Variants in MROH2B observed in about 807,000 individuals in gnomAD.
The protein encoded by MROH2B is maestro heat like repeat family member 2B, also known as maestro heat-like repeat-containing protein family member 2B.
A neutral mutation model predicts 208.6 loss-of-function variants in MROH2B; 177 were observed. The ratio of observed to expected loss-of-function variants is 0.85; its 90% CI spans 0.75 to 0.96. The LOEUF is 0.96. Among genes scored for constraint, MROH2B ranks in the 40% least tolerant of loss-of-function variants. The pLI, the probability that MROH2B is intolerant of heterozygous loss-of-function variation, is 0.00. For synonymous variants in MROH2B, 728 were observed against 659.0 expected (o/e 1.10, Z -1.60); for missense variants, 2,002 against 1,878.7 (o/e 1.07, Z -1.21).
chr5:41,006,875 G>A (rs556569469), intron 34 of MROH2B, among the ~76,000 whole-genome samples: 2 of 152,084 alleles, frequency 1.3e-5, no homozygotes, highest in South Asian at 4.1e-4. Flanking sequence ...CTACATATTG[G>A]GTGCAGTGTA....
intron 21 of MROH2B, among the ~76,000 whole-genome samples, chr5:41,034,959 A>T (rs1451507701): frequency 6.6e-6 from 1 of 152,162 alleles, no homozygotes; most frequent in East Asian, 1.9e-4. Context: ...GACACAAATA[A>T]ATGGAAAAAC....
intron 24 of MROH2B, among the ~76,000 whole-genome samples, chr5:41,026,269 T>C (rs1045955419): frequency 2.0e-4 from 31 of 152,208 alleles, no homozygotes; most frequent in Non-Finnish European, 3.8e-4. Context: ...GATGACATGA[T>C]TGTATATCTA....
chr5:41,058,914 G>C (rs1266219132), intron 6 of MROH2B, among the ~76,000 whole-genome samples: 1 of 151,734 alleles, frequency 6.6e-6, no homozygotes, highest in Admixed American at 6.6e-5. Flanking sequence ...TGGGCATGGT[G>C]GTGGGCGCCT....
intron 21 of MROH2B, among the ~76,000 whole-genome samples, chr5:41,037,741 C>T (rs756032646): frequency 1.4e-4 from 21 of 152,130 alleles, no homozygotes; most frequent in Admixed American, 1.1e-3. Context: ...TGAAAGCCTC[C>T]CACATTGATC....
intron 24 of MROH2B, among the ~76,000 whole-genome samples, chr5:41,032,233 G>A (rs552337205): frequency 1.3e-5 from 2 of 152,218 alleles, no homozygotes; most frequent in South Asian, 2.1e-4. Flanking sequence ...AACCTTAGCA[G>A]CATCTTTGAG....
intron 24 of MROH2B, among the ~76,000 whole-genome samples, chr5:41,023,273 C>T (rs138856177): frequency 1.3e-5 from 2 of 152,088 alleles, no homozygotes; most frequent in Non-Finnish European, 2.9e-5. Flanking sequence ...GAACCCATCG[C>T]AAGGAAGCTA....
chr5:41,056,231 A>G (rs1339805582), intron 9 of MROH2B, among the ~76,000 whole-genome samples: 1 of 152,174 alleles, frequency 6.6e-6, no homozygotes, highest in Non-Finnish European at 1.5e-5. Context: ...ATGGAGGAAG[A>G]GATGGCAGTG....
At chr5:41,048,262 CG>C in intron 16 of MROH2B, 61 bp downstream of exon 16, 1 of 1,510,970 alleles carries the variant, frequency 6.6e-7, no homozygotes, top group East Asian at 2.3e-5. Context: ...CACAGAGAAA[CG>C]GTGCATTATT....
intron 40 of MROH2B, 35 bp from the exon 41 acceptor site, chr5:40,998,712 T>G (rs2876850): frequency 2.6e-6 from 4 of 1,527,060 alleles, no homozygotes; most frequent in African/African-American, 1.4e-5. Flanking sequence ...ACTGATTTCA[T>G]TATAGAGGAA....
rs1233070082 is a variant in MROH2B, at chr5:41,033,158, G to A, written c.2244C>T (p.Asp748=). Residue 748 remains aspartate (D), a splice_region_variant and synonymous_variant, in exon 23 of 42, where the codon GAC becomes GAT. Coordinates refer to ENST00000399564, the MANE Select transcript of MROH2B (RefSeq NM_173489.5). ...TTGTGAAACTCATTTGCAGATCCAT[G>A]TCCTAAAGCAAAAGCATTTACAATG... is the stretch of plus-strand genomic sequence containing the variant. ...QVLGMSVMNK[D]MDLQMSFTRS... The A allele has an allele frequency of 6.2e-7, 1 of 1,612,522 alleles. No homozygotes were observed. Among genetic ancestry groups the A allele is most frequent in the Non-Finnish European group, 8.5e-7 (1 of 1,178,996 alleles).
intron 24 of MROH2B, among the ~76,000 whole-genome samples, chr5:41,026,097 C>T (rs1401665809): frequency 1.3e-5 from 2 of 152,056 alleles, no homozygotes; most frequent in South Asian, 4.1e-4. Flanking sequence ...TGAGCAAAAA[C>T]TGGAAGCATT....
chr5:41,048,891 A>G (rs1185402188), intron 15 of MROH2B, among the ~76,000 whole-genome samples: 1 of 152,256 alleles, frequency 6.6e-6, no homozygotes, highest in Non-Finnish European at 1.5e-5. Flanking sequence ...AATTATAAGT[A>G]AAGTTCAACA....
intron 29 of MROH2B, among the ~76,000 whole-genome samples, chr5:41,014,189 A>G (rs1431697818): frequency 6.6e-6 from 1 of 152,144 alleles, no homozygotes; most frequent in Admixed American, 6.6e-5. Context: ...TTGCCATAAC[A>G]CCAATATAAA....
At position 41,065,339 on chromosome 5, in the gene MROH2B, G is replaced by T; in HGVS notation, c.353C>A (p.Thr118Asn). The change falls in exon 4 of 42, where the codon ACC becomes AAC. Residue 118 changes from threonine to asparagine, a missense_variant. Thr to Asn is a moderately conservative substitution (Grantham distance 65). Transcript: ENST00000399564. ...FVVLALAELA[T>N]SYVSQSIPFM... The stretch of plus-strand genomic sequence containing the variant: ...GAATATTCCCGCTATACCATAGCTG[G>T]TTGCCAATTCAGCCAGGGCAAGCAC... The T allele has an allele frequency of 6.2e-7, 1 of 1,611,822 alleles. No individual in the cohort carries two copies. The highest frequency in any genetic ancestry group is 8.5e-7 in the Non-Finnish European group (1 of 1,178,976).
At chr5:41,067,315 A>T (rs994053573) in intron 2 of MROH2B, 97 bp from the exon 3 acceptor site, 4 of 676,522 alleles carry the variant, frequency 5.9e-6, no homozygotes, top group Non-Finnish European at 2.7e-6. Flanking sequence ...TAAGCAATAT[A>T]TCTTTACTAC....
chr5:41,035,847 T>C (rs1045498052), intron 21 of MROH2B, among the ~76,000 whole-genome samples: 8 of 151,734 alleles, frequency 5.3e-5, no homozygotes, highest in Non-Finnish European at 1.0e-4. Context: ...AAACAGACGC[T>C]GGTGAGGCTG....
intron 24 of MROH2B, among the ~76,000 whole-genome samples, chr5:41,020,580 ACAT>A: frequency 6.6e-6 from 1 of 152,348 alleles, no homozygotes; most frequent in East Asian, 1.9e-4. Context: ...GACTGATATG[ACAT>A]AGATGCCACT....
At chr5:41,055,405 C>A (rs1221252450) in intron 10 of MROH2B, among the ~76,000 whole-genome samples, 1 of 152,134 alleles carries the variant, frequency 6.6e-6, no homozygotes, top group Non-Finnish European at 1.5e-5. Context: ...GTAAACGTAT[C>A]AATCTCTAGA....
chr5:41,065,581 G>A lies in MROH2B; in HGVS notation c.202-91C>T, dbSNP rs544719643. On this transcript the variant is annotated intron_variant, in intron 3 of 41. Coordinates refer to ENST00000399564, the MANE Select transcript of MROH2B (RefSeq NM_173489.5). Reference sequence around the variant, plus strand: ...ACTAGTCAGCATAATATTTATATATGCATTTATTTATTTTTAAAATTATAG... The same window carrying A: ...ACTAGTCAGCATAATATTTATATATACATTTATTTATTTTTAAAATTATAG... 468 of 1,003,892 alleles carry A rather than the reference G, an allele frequency of 4.7e-4. 1 individual carries two copies. The highest frequency in any genetic ancestry group is 6.4e-4 in the Non-Finnish European group (452 of 705,310). 62.2% of individuals were successfully genotyped at this position (1,003,892 alleles called of 1,614,324 possible).
Sources: gnomAD v4.1 joint callset for allele counts (sites outside exome capture counted in the v4.1 genomes callset) on GRCh38, gnomAD v4.1.1 for gene constraint, MANE v1.5 for transcripts, NCBI Gene and HGNC (gene_info 2026-07-23, HGNC 2026-07-21) for gene names.